SPOUT1: variants seen among roughly 807,000 people sequenced by gnomAD.
The protein encoded by SPOUT1 is 28S rRNA (uridine-N(3))-methyltransferase.
A neutral mutation model predicts 54.8 loss-of-function variants in SPOUT1; 40 were observed. The observed-to-expected ratio is 0.73, with a 90% CI of 0.57 to 0.95. The LOEUF (loss-of-function observed/expected upper bound fraction) is 0.95, where lower values mean the gene tolerates loss of function less well. Among genes scored for constraint, SPOUT1 ranks in the 40% least tolerant of loss-of-function variants. The pLI, the probability that SPOUT1 is intolerant of heterozygous loss-of-function variation, is 0.00. For missense variants in SPOUT1, 437 were observed against 499.5 expected, an observed-to-expected ratio of 0.87 and a Z score of 1.19; for synonymous variants, 193 against 200.3, an observed-to-expected ratio of 0.96 and a Z score of 0.31.
In SPOUT1 at chr9:128,825,968, C is replaced by T. The variant is rs1318283022; in HGVS notation, c.639+54G>A. 1.7e-5 allele frequency: 27 copies of T among 1,610,944 alleles called. No individual in the cohort carries two copies. In the East Asian group the frequency reaches 6.0e-4, roughly 36 times the overall value. ...TCCGCAACATCCATCTGCTTGCCCT[C>T]CATTGCCAGGGTGTGTCCTGGAGGT... On this transcript the variant is annotated intron_variant, in intron 7 of 11. Transcript: ENST00000361256.
Position 128,829,092 on chromosome 9 carries a change from T to C in SPOUT1, c.82+18A>G. ...TGGAGTGGCCTATGGGAAGATACTC[T>C]TACCCACCCTTACTTACTCTGTTGC... is the stretch of plus-strand genomic sequence containing the variant. On this transcript the variant is annotated intron_variant, in intron 2 of 11. Coordinates refer to ENST00000361256, the MANE Select transcript of SPOUT1 (RefSeq NM_016390.4). 6.2e-7 allele frequency: 1 copy of C among 1,608,690 alleles called. No individual in the cohort carries two copies. The highest frequency in any genetic ancestry group is 8.5e-7 in the Non-Finnish European group (1 of 1,175,012).
At chr9:128,827,322 T>C (rs942798841) in intron 3 of SPOUT1, 131 bp from the exon 4 acceptor site, 2 of 767,632 alleles carry the variant, frequency 2.6e-6, no homozygotes, top group Non-Finnish European at 4.1e-6. Context: ...ATGAGCAAAA[T>C]AGATCCAGCT....
Position 128,823,943 on chromosome 9 carries a change from C to T in SPOUT1, c.915-49G>A, listed in dbSNP as rs749945179. The T allele has an allele frequency of 3.1e-6, 5 of 1,605,646 alleles. No homozygotes were observed. The South Asian group carries it at 4.4e-5, about 14-fold the overall frequency. On this transcript the variant is annotated intron_variant, in intron 10 of 11. Coordinates refer to ENST00000361256, the MANE Select transcript of SPOUT1 (RefSeq NM_016390.4). The stretch of plus-strand genomic sequence containing the variant: ...CCTGAGCGGCCACCGAGGCCCCACC[C>T]AGCACAGCGCCCAGACCTCAGTCCC...
Position 128,826,523 on chromosome 9 carries a change from G to A in SPOUT1, c.458+17C>T. 6.2e-7 allele frequency: 1 copy of A among 1,611,242 alleles called. No individual in the cohort carries two copies. The highest frequency in any genetic ancestry group is 8.5e-7 in the Non-Finnish European group (1 of 1,177,776). ...TGACACACCCCTCCCTCATGCTTAGGGGAGTGACCCCCTTACTGTGGACAC... is the reference window on the plus strand; with the variant it reads ...TGACACACCCCTCCCTCATGCTTAGAGGAGTGACCCCCTTACTGTGGACAC... On this transcript the variant is annotated intron_variant, in intron 5 of 11. Transcript: ENST00000361256. The surrounding 1 kb of genome is among the most constrained non-coding windows in gnomAD (Gnocchi z 5.5).
chr9:128,822,361 C>T lies in SPOUT1; in HGVS notation c.*404G>A. 1.9e-6 allele frequency: 3 copies of T among 1,613,984 alleles called. No homozygotes were observed. The highest frequency in any genetic ancestry group is 1.1e-5 in the South Asian group (1 of 91,054). On this transcript the variant is annotated 3_prime_UTR_variant, in exon 12 of 12. Coordinates refer to ENST00000361256, the MANE Select transcript of SPOUT1 (RefSeq NM_016390.4). ...CTGATGGGAAATCCTACGTAAAGTA[C>T]CAGGTCATCGGCAAGAACCACGTGG...
Position 128,822,352 on chromosome 9 carries a change from C to A in SPOUT1, c.*413G>T. On this transcript the variant is annotated 3_prime_UTR_variant, in exon 12 of 12. Coordinates refer to ENST00000361256, the MANE Select transcript of SPOUT1 (RefSeq NM_016390.4). ...GGACAGAGGCTGATGGGAAATCCTA[C>A]GTAAAGTACCAGGTCATCGGCAAGA... The A allele has an allele frequency of 6.2e-7, 1 of 1,613,712 alleles. No individual in the cohort carries two copies. The highest frequency in any genetic ancestry group is 8.5e-7 in the Non-Finnish European group (1 of 1,179,888).
rs758798184 is a variant in SPOUT1, at chr9:128,822,616, G to C, written c.*149C>G. On this transcript the variant is annotated 3_prime_UTR_variant, in exon 12 of 12. Transcript: ENST00000361256. Reference sequence around the variant, plus strand: ...TCACGGCGGGCAGTAAGTGAGGGTGGAGCCCAGTGAGACTGTGGGTGTGTG... The same window carrying C: ...TCACGGCGGGCAGTAAGTGAGGGTGCAGCCCAGTGAGACTGTGGGTGTGTG... 1.2e-5 allele frequency: 19 copies of C among 1,565,462 alleles called. No individual in the cohort carries two copies. The South Asian group carries it at 1.8e-4, about 15-fold the overall frequency.
In SPOUT1 at chr9:128,826,624, A is replaced by C. The variant is rs755938458; in HGVS notation, c.374T>G (p.Val125Gly). The C allele has an allele frequency of 1.3e-6, 2 of 1,581,288 alleles. No individual in the cohort carries two copies. The highest frequency in any genetic ancestry group is 1.7e-6 in the Non-Finnish European group (2 of 1,162,832). The change falls in exon 5 of 12, where the codon GTG becomes GGG. Residue 125 changes from valine to glycine, a missense_variant. By Grantham distance (109) the Val-to-Gly change is moderately radical. Transcript: ENST00000361256. The surrounding 1 kb of genome is among the most constrained non-coding windows in gnomAD (Gnocchi z 5.5). The stretch of plus-strand genomic sequence containing the variant: ...CCCAACTCCTGTGAATTCCCCCTCC[A>C]CAGTCCTGGAGAGAGAGAGATGGGG... ...FDEEGQDAKT[V>G]EGEFTGVGKK...
At chr9:128,824,279 G>GGT (rs72464832) in intron 9 of SPOUT1, 105 bp from the exon 10 acceptor site, 11,255 of 488,100 alleles carry the variant, frequency 0.023, 40 homozygotes, top group South Asian at 0.039. Flanking sequence ...AGAGCTGTGT[G>GGT]GTGTGTGTGT....
At position 128,823,847 on chromosome 9, in the gene SPOUT1, G is replaced by A. The variant is rs558471781; in HGVS notation, c.962C>T (p.Ala321Val). 14 of 1,613,056 alleles carry A rather than the reference G, an allele frequency of 8.7e-6. No individual in the cohort carries two copies. Among genetic ancestry groups the A allele is most frequent in the South Asian group, 3.3e-5 (3 of 90,900 alleles). The change falls in exon 11 of 12, where the codon GCG becomes GTG. Residue 321 changes from alanine (A) to valine (V), a missense_variant. Physicochemically the swap from Ala to Val is moderately conservative, Grantham distance 64 (BLOSUM62 0). Coordinates refer to ENST00000361256, the MANE Select transcript of SPOUT1 (RefSeq NM_016390.4). ...CACCTCCAGGTTGGGGTCAGCATCC[G>A]CTCCAGCTTCCAGACCCTGGAGGCC... The part of the protein sequence containing the change: ...FGGLQGLEAG[A>V]DADPNLEVAE...
At position 128,824,062 on chromosome 9, in the gene SPOUT1, A is replaced by AG. The variant is rs751989189; in HGVS notation, c.914+9dup. 20 of 1,608,958 alleles carry AG rather than the reference A, an allele frequency of 1.2e-5. No homozygotes were observed. The highest frequency in any genetic ancestry group is 1.7e-5 in the Non-Finnish European group (20 of 1,176,070). On this transcript the variant is annotated intron_variant, in intron 10 of 11. Coordinates refer to ENST00000361256, the MANE Select transcript of SPOUT1 (RefSeq NM_016390.4). ...CTCCTGCCCTGGCCGCAGCCCCAGG[A>AG]GGTACACACCTGAAGTTGGGAAGCT...
At chr9:128,829,285 G>T in intron 1 of SPOUT1, 130 bp from the exon 2 acceptor site, 1 of 819,118 alleles carries the variant, frequency 1.2e-6, no homozygotes, top group Non-Finnish European at 2.1e-6. Flanking sequence ...TCTGCGAACT[G>T]CTGCCCCAGA....
intron 7 of SPOUT1, among the ~76,000 whole-genome samples, chr9:128,825,463 C>T (rs192726516): frequency 2.0e-5 from 3 of 152,280 alleles, no homozygotes; most frequent in Non-Finnish European, 4.4e-5. Flanking sequence ...TCCCGAGTAG[C>T]TGGGATTATA....
intron 1 of SPOUT1, 76 bp downstream of exon 1, chr9:128,829,669 G>A (rs2118827221): frequency 4.2e-6 from 5 of 1,195,392 alleles, no homozygotes; most frequent in Admixed American, 4.4e-5. Context: ...GCCCGGCCCC[G>A]GCGAAGGCCC....
chr9:128,823,357 G>A (rs2118789305), intron 11 of SPOUT1, among the ~76,000 whole-genome samples: 1 of 152,300 alleles, frequency 6.6e-6, no homozygotes, highest in African/African-American at 2.4e-5. Flanking sequence ...GGCTCCAGCT[G>A]CACGTGGCTT....
chr9:128,826,724 G>T lies in SPOUT1; in HGVS notation c.369-95C>A. 2.2e-6 allele frequency: 2 copies of T among 896,738 alleles called. No homozygotes were observed. The highest frequency in any genetic ancestry group is 3.4e-6 in the Non-Finnish European group (2 of 589,172). The allele number at this position is 896,738 out of a possible 1,614,324, so 55.5% of individuals were successfully genotyped here. Reference sequence around the variant, plus strand: ...CGCGTATAATCCCAGCTACTCAGGAGGCTAAGGTGGGAGGATCATCTGAGT... The same window carrying T: ...CGCGTATAATCCCAGCTACTCAGGATGCTAAGGTGGGAGGATCATCTGAGT... On this transcript the variant is annotated intron_variant, in intron 4 of 11. Transcript: ENST00000361256. The surrounding 1 kb of genome is among the most constrained non-coding windows in gnomAD (Gnocchi z 5.5).
At position 128,821,401 on chromosome 9, in the gene SPOUT1, C is replaced by A. The variant is rs111437212; in HGVS notation, c.*1364G>T. On this transcript the variant is annotated 3_prime_UTR_variant, in exon 12 of 12. Coordinates refer to ENST00000361256, the MANE Select transcript of SPOUT1 (RefSeq NM_016390.4). ...GCTCTCCCGCCTTCCCCATGCAGGTCCCCAGTGCACCGAGCTCTCATGCCT... is the reference window on the plus strand; with the variant it reads ...GCTCTCCCGCCTTCCCCATGCAGGTACCCAGTGCACCGAGCTCTCATGCCT... 569 of 164,988 alleles carry A rather than the reference C, an allele frequency of 3.4e-3. 8 individuals carry two copies. Among genetic ancestry groups the A allele is most frequent in the African/African-American group, 0.013 (546 of 41,046 alleles). 10.2% of individuals were successfully genotyped at this position (164,988 alleles called of 1,614,324 possible).
chr9:128,826,081 C>T lies in SPOUT1; in HGVS notation c.580G>A (p.Val194Met), dbSNP rs753555717. 9.3e-6 allele frequency: 15 copies of T among 1,613,938 alleles called. No individual in the cohort carries two copies. The highest frequency in any genetic ancestry group is 3.3e-5 in the Admixed American group (2 of 59,998). ...CCTGGCCGGGTGGGCCGATCCACCA[C>T]GATGCCCTCTCGGAACTCGGATTCC... is the stretch of plus-strand genomic sequence containing the variant. The part of the protein sequence containing the change: ...DEESEFREGI[V>M]VDRPTRPGHG... Residue 194 changes from valine (V) to methionine (M), a missense_variant, in exon 7 of 12, where the codon GTG (valine) becomes ATG (methionine). Transcript: ENST00000361256. The surrounding 1 kb of genome is among the most constrained non-coding windows in gnomAD (Gnocchi z 5.5).
Position 128,820,937 on chromosome 9 carries a change from G to A in SPOUT1, c.*1828C>T, listed in dbSNP as rs1342684517. The A allele has an allele frequency of 1.7e-6, 2 of 1,208,136 alleles. No homozygotes were observed. Among genetic ancestry groups the A allele is most frequent in the African/African-American group, 3.0e-5 (2 of 66,026 alleles). 74.8% of individuals were successfully genotyped at this position (1,208,136 alleles called of 1,614,324 possible). A position where few individuals can be genotyped will look rare whatever the true frequency, so the allele number is the denominator to read the frequency against. ...CAGGGCCAGGCTTGCCCCAGGCTCT[G>A]GGTCAATACCAGTTCCCTACTCATC... On this transcript the variant is annotated 3_prime_UTR_variant, in exon 12 of 12. Transcript: ENST00000361256.
Sources: allele counts gnomAD v4.1 joint callset (sites outside exome capture counted in the v4.1 genomes callset), GRCh38; gene constraint gnomAD v4.1.1; non-coding constraint Gnocchi (gnomAD v3.1); transcripts MANE v1.5; gene names NCBI Gene and HGNC (gene_info 2026-07-23, HGNC 2026-07-21).